ARHGAP23: variants seen among roughly 807,000 people sequenced by gnomAD.
ARHGAP23 encodes the protein rho GTPase-activating protein 23.
Under a neutral mutation model 136.3 loss-of-function variants are expected in ARHGAP23, and 34 were observed. The observed-to-expected ratio is 0.25, with a 90% CI of 0.19 to 0.33. ARHGAP23 has a LOEUF of 0.33. ARHGAP23 is among the 10% of genes least tolerant of loss of function. The pLI is 1.00. For missense variants in ARHGAP23, 1,808 were observed against 2,139.0 expected (o/e 0.85, Z 3.05); for synonymous variants, 832 against 920.5 (o/e 0.90, Z 1.74).
chr17:38,468,367 A>G lies in ARHGAP23; in HGVS notation c.1649-777A>G, dbSNP rs141703576. ...TGGCCGGGCTTGGGGGTGGTGCCTC[A>G]CCCCCGTGTTGGGAGTGAGAGGGGG... is the stretch of plus-strand genomic sequence containing the variant. On this transcript the variant is annotated intron_variant, in intron 7 of 23. Coordinates refer to ENST00000622683, the MANE Select transcript of ARHGAP23 (RefSeq NM_001199417.2). 3.3e-3 allele frequency among the ~76,000 whole-genome samples: 496 copies of G among 151,824 alleles called. 2 individuals are homozygous for G. Among genetic ancestry groups the G allele is most frequent in the African/African-American group, 0.012 (479 of 41,316 alleles).
At chr17:38,489,345 T>C (rs1166748528) in intron 17 of ARHGAP23, among the ~76,000 whole-genome samples, 4 of 152,220 alleles carry the variant, frequency 2.6e-5, no homozygotes, top group African/African-American at 9.7e-5. Flanking sequence ...ATTTGTGTAT[T>C]GTGAGCTAGA....
intron 10 of ARHGAP23, 65 bp downstream of exon 10, chr17:38,469,969 G>A (rs1387709862): frequency 1.3e-6 from 2 of 1,529,524 alleles, no homozygotes; most frequent in Admixed American, 2.0e-5. Flanking sequence ...GTGTCAGGGA[G>A]GTGGGGCCAC....
intron 20 of ARHGAP23, among the ~76,000 whole-genome samples, chr17:38,496,084 G>A (rs2040385368): frequency 1.3e-5 from 2 of 152,130 alleles, no homozygotes; most frequent in Admixed American, 1.3e-4. Context: ...TTTTAGTAGA[G>A]ATGGGGTTTC....
chr17:38,441,280 G>A (rs2038914836), intron 1 of ARHGAP23, among the ~76,000 whole-genome samples: 1 of 152,246 alleles, frequency 6.6e-6, no homozygotes, highest in Admixed American at 6.5e-5. Context: ...GGGCAGAAAG[G>A]CCCACCTGGG....
rs2039632035 is a variant in ARHGAP23, at chr17:38,467,239, A to C, written c.1556A>C (p.Glu519Ala). Residue 519 changes from glutamate (E) to alanine (A), a missense_variant, in exon 7 of 24, where the codon GAG becomes GCG. Physicochemically the swap from Glu to Ala is moderately radical, Grantham distance 107. Coordinates refer to ENST00000622683, the MANE Select transcript of ARHGAP23 (RefSeq NM_001199417.2). ...CTTGGATTTGGTGACGAGTCCCCAG[A>C]GCCAGAGGCCAGTGGGCGAGGGGAA... ...MNLGFGDESP[E>A]PEASGRGERL... 5.2e-6 allele frequency: 8 copies of C among 1,550,800 alleles called. No individual in the cohort carries two copies. The highest frequency in any genetic ancestry group is 7.0e-6 in the Non-Finnish European group (8 of 1,146,488).
At chr17:38,458,800 G>A (rs2039391849) in intron 2 of ARHGAP23, among the ~76,000 whole-genome samples, 1 of 152,208 alleles carries the variant, frequency 6.6e-6, no homozygotes, top group African/African-American at 2.4e-5. Flanking sequence ...CAGGAGCCCA[G>A]AGTTCCGGTC....
rs2144649775 is a variant in ARHGAP23, at chr17:38,466,879, G to A, written c.1196G>A (p.Gly399Glu). 1 of 1,549,940 alleles carries A rather than the reference G, an allele frequency of 6.5e-7. No individual in the cohort carries two copies. The highest frequency in any genetic ancestry group is 2.4e-5 in the East Asian group (1 of 40,914). ...GCCTGCCCAACTCGGGACCTGCCAG[G>A]GCCCCAGGCCCCACCCCCGTCTGGC... Reference protein sequence around the residue: ...TPACPTRDLPGPQAPPPSGLQ... With the variant: ...TPACPTRDLPEPQAPPPSGLQ... The change falls in exon 7 of 24, where the codon GGG becomes GAG. Residue 399 changes from glycine to glutamate, a missense_variant. Gly to Glu is a moderately conservative substitution (Grantham distance 98). Transcript: ENST00000622683.
chr17:38,447,755 A>G (rs1412266627), intron 1 of ARHGAP23, among the ~76,000 whole-genome samples: 1 of 152,226 alleles, frequency 6.6e-6, no homozygotes, highest in Non-Finnish European at 1.5e-5. Flanking sequence ...ACCAGAATGG[A>G]GACCCCAGAG....
intron 1 of ARHGAP23, among the ~76,000 whole-genome samples, chr17:38,429,053 C>G (rs1317453740): frequency 6.6e-6 from 1 of 152,228 alleles, no homozygotes; most frequent in Non-Finnish European, 1.5e-5. Context: ...CACTCGCCCC[C>G]TGCCGGGTCG....
rs9896092 is a variant in ARHGAP23 at position 38,469,295 on chromosome 17, C to A, written c.1800C>A (p.Asp600Glu). Reference sequence around the variant, plus strand: ...CCCTCGGACGCCATTACTCGCAGGACTGCAGTGAGCACTCCCCACACCCCC... The same window carrying A: ...CCCTCGGACGCCATTACTCGCAGGAATGCAGTGAGCACTCCCCACACCCCC... ...TFTLGRHYSQ[D>E]CSSIKAGRRS... is the part of the protein sequence containing the mutation. Residue 600 changes from aspartate (D) to glutamate (E), a missense_variant, in exon 8 of 24, where the codon GAC (aspartate) becomes GAA (glutamate). By Grantham distance (45) the Asp-to-Glu change is conservative. Around this residue, in one of 7 missense-constraint regions of ARHGAP23, gnomAD observed 859 missense variants for 936.4 expected, o/e 0.92. Coordinates refer to ENST00000622683, the MANE Select transcript of ARHGAP23 (RefSeq NM_001199417.2). The A allele has an allele frequency of 1.3e-6, 2 of 1,550,156 alleles. No individual in the cohort carries two copies. The highest frequency in any genetic ancestry group is 8.7e-7 in the Non-Finnish European group (1 of 1,146,056).
At chr17:38,434,507 A>T (rs1436413102) in intron 1 of ARHGAP23, among the ~76,000 whole-genome samples, 1 of 152,034 alleles carries the variant, frequency 6.6e-6, no homozygotes, top group Non-Finnish European at 1.5e-5. Flanking sequence ...GATGACTGAG[A>T]CCCAAGGGCC....
At chr17:38,446,020 CTTTTT>C (rs56071314) in intron 1 of ARHGAP23, among the ~76,000 whole-genome samples, 4 of 139,496 alleles carry the variant, frequency 2.9e-5, no homozygotes, top group Non-Finnish European at 3.1e-5. Context: ...AAATATCTTT[CTTTTT>C]TTTTTTTTTT....
chr17:38,510,805 C>G lies in ARHGAP23; in HGVS notation c.4309C>G (p.Arg1437Gly). 6.6e-7 allele frequency: 1 copy of G among 1,504,228 alleles called. No individual in the cohort carries two copies. Among genetic ancestry groups the G allele is most frequent in the Non-Finnish European group, 8.9e-7 (1 of 1,129,820 alleles). 93.2% of individuals were successfully genotyped at this position (1,504,228 alleles called of 1,614,324 possible). A position where few individuals can be genotyped will look rare whatever the true frequency, so the allele number is the denominator to read the frequency against. ...GGGPPEPAGA[R>G]AHSDNKDSGL... ...GGGCCCCCCGGAGCCTGCGGGCGCGCGGGCGCACAGTGACAACAAGGACTC... is the reference window on the plus strand; with the variant it reads ...GGGCCCCCCGGAGCCTGCGGGCGCGGGGGCGCACAGTGACAACAAGGACTC... The change falls in exon 24 of 24, where the codon CGG becomes GGG. Residue 1437 changes from arginine to glycine, a missense_variant. Around this residue, in one of 7 missense-constraint regions of ARHGAP23, gnomAD observed 506 missense variants for 455.8 expected, o/e 1.11. Transcript: ENST00000622683. The surrounding 1 kb of genome is among the most constrained non-coding windows in gnomAD (Gnocchi z 4.6).
In ARHGAP23 at chr17:38,466,577, C is replaced by A; in HGVS notation, c.894C>A (p.Arg298=). The stretch of plus-strand genomic sequence containing the variant: ...ACTGGCTGTCAAACCAGGTACCCCG[C>A]CGGGCGGGGGAGAGACGGTGCCCAG... ...LSHWLSNQVP[R]RAGERRCPAM... Residue 298 remains arginine, a synonymous_variant, in exon 7 of 24, where the codon CGC becomes CGA. Coordinates refer to ENST00000622683, the MANE Select transcript of ARHGAP23 (RefSeq NM_001199417.2). 1 of 1,496,432 alleles carries A rather than the reference C, an allele frequency of 6.7e-7. No homozygotes were observed. Among genetic ancestry groups the A allele is most frequent in the Admixed American group, 2.2e-5 (1 of 44,842 alleles). The allele number at this position is 1,496,432 out of a possible 1,614,324, so 92.7% of individuals were successfully genotyped here.
At chr17:38,475,392 C>G (rs1473437135) in intron 11 of ARHGAP23, among the ~76,000 whole-genome samples, 1 of 152,220 alleles carries the variant, frequency 6.6e-6, no homozygotes, top group African/African-American at 2.4e-5. Flanking sequence ...CAGAGAGGTG[C>G]CCTTGTCACC....
chr17:38,445,609 T>C (rs1459123958), intron 1 of ARHGAP23, among the ~76,000 whole-genome samples: 1 of 151,870 alleles, frequency 6.6e-6, no homozygotes. Context: ...TCACCGTAAG[T>C]GGAATAATAT....
chr17:38,419,774 ACT>A (rs1405133347), intron 1 of ARHGAP23, among the ~76,000 whole-genome samples: 4 of 151,736 alleles, frequency 2.6e-5, no homozygotes, highest in Admixed American at 1.3e-4. Flanking sequence ...GAGGCTACAG[ACT>A]CTGCAGAATG....
At chr17:38,493,847 G>A (rs1236261396) in intron 20 of ARHGAP23, among the ~76,000 whole-genome samples, 2 of 152,174 alleles carry the variant, frequency 1.3e-5, no homozygotes, top group African/African-American at 4.8e-5. Flanking sequence ...ATCTTGCAGC[G>A]GGCAAGTTGC....
At chr17:38,491,985 G>A (rs538606079) in intron 20 of ARHGAP23, among the ~76,000 whole-genome samples, 92 of 152,320 alleles carry the variant, frequency 6.0e-4, no homozygotes, top group African/African-American at 1.5e-3. Context: ...GAGGTTTTGG[G>A]GAGATAGTGG....
Sources: gnomAD v4.1 joint callset for allele counts (sites outside exome capture counted in the v4.1 genomes callset) on GRCh38, gnomAD v4.1.1 for gene constraint, gnomAD v4.1.1 regional missense constraint, Gnocchi (gnomAD v3.1) non-coding constraint, MANE v1.5 for transcripts, NCBI Gene and HGNC (gene_info 2026-07-23, HGNC 2026-07-21) for gene names.